TTC7A: variants seen among roughly 807,000 people sequenced by gnomAD.
TTC7A encodes the protein tetratricopeptide repeat protein 7A.
A neutral mutation model predicts 103.7 loss-of-function variants in TTC7A; 110 were observed. The observed-to-expected ratio is 1.06, with a 90% CI of 0.91 to 1.24. The LOEUF is 1.24. Among genes scored for constraint, TTC7A ranks in the 50% most tolerant of loss-of-function variants. The probability of loss-of-function intolerance (pLI) is 0.00; values close to 1 mark genes in which losing one functional copy is unlikely to be tolerated. For synonymous variants in TTC7A, 521 were observed against 467.9 expected (o/e 1.11, Z -1.47); for missense variants, 1,340 against 1,116.3 (o/e 1.20, Z -2.86).
At chr2:47,024,498 T>G in intron 14 of TTC7A, 139 bp downstream of exon 14, 1 of 709,396 alleles carries the variant, frequency 1.4e-6, no homozygotes, top group Admixed American at 3.0e-5. Flanking sequence ...ATGTAAGTCC[T>G]TTGAGCCCTC....
chr2:46,974,485 C>G (rs1014106902), intron 3 of TTC7A, among the ~76,000 whole-genome samples: 1 of 152,132 alleles, frequency 6.6e-6, no homozygotes, highest in Admixed American at 6.5e-5. Flanking sequence ...GAGGCAGTCT[C>G]CTGGTGGGAA....
rs1573016401 is a variant in TTC7A, at chr2:47,046,319, A to G, written c.1807A>G (p.Met603Val). The G allele has an allele frequency of 6.2e-7, 1 of 1,613,772 alleles. No individual in the cohort carries two copies. Reference sequence around the variant, plus strand: ...GGCCACTCTCCGTCCCCACAGCCTGATGTTCACCAAGGTGAAGCTGGAGCA... The same window carrying G: ...GGCCACTCTCCGTCCCCACAGCCTGGTGTTCACCAAGGTGAAGCTGGAGCA... The part of the protein sequence containing the change: ...ITEHPENFNL[M>V]FTKVKLEQVL... The change falls in exon 16 of 20, where the codon ATG (methionine) becomes GTG (valine). Residue 603 changes from methionine to valine, a missense_variant. Coordinates refer to ENST00000319190, the MANE Select transcript of TTC7A (RefSeq NM_020458.4).
chr2:46,939,869 A>G (rs1002345543), upstream of TTC7A, among the ~76,000 whole-genome samples: 6 of 152,194 alleles, frequency 3.9e-5, no homozygotes, highest in Admixed American at 3.3e-4. Context: ...CTGCTTGACT[A>G]AACTGTCTCT....
chr2:47,067,096 A>T (rs1255989781), intron 19 of TTC7A, among the ~76,000 whole-genome samples: 3 of 152,172 alleles, frequency 2.0e-5, no homozygotes, highest in Non-Finnish European at 4.4e-5. Flanking sequence ...CAGGAGGGCA[A>T]AGCCCGCCTG....
At chr2:46,924,824 C>T (rs1669302088) in intron 2 of TTC7A, among the ~76,000 whole-genome samples, 1 of 152,222 alleles carries the variant, frequency 6.6e-6, no homozygotes, top group Non-Finnish European at 1.5e-5. Context: ...GACAAGGTTT[C>T]ACCATGTTGG....
intron 11 of TTC7A, among the ~76,000 whole-genome samples, chr2:47,016,042 C>A (rs1454083164): frequency 6.6e-6 from 1 of 152,176 alleles, no homozygotes; most frequent in African/African-American, 2.4e-5. Context: ...GGTGAAGATT[C>A]CGAGGGCAAA....
At chr2:46,981,743 C>T (rs1397302761) in intron 5 of TTC7A, among the ~76,000 whole-genome samples, 1 of 152,230 alleles carries the variant, frequency 6.6e-6, no homozygotes, top group East Asian at 1.9e-4. Flanking sequence ...CCAAAGCACA[C>T]CGTTCTGGCC....
intron 5 of TTC7A, among the ~76,000 whole-genome samples, chr2:46,983,186 G>T (rs562492432): frequency 1.9e-3 from 283 of 152,288 alleles, no homozygotes; most frequent in Non-Finnish European, 2.0e-3. Flanking sequence ...GGATGTGGAG[G>T]CTGGGAGACC....
At position 47,007,665 on chromosome 2, in the gene TTC7A, G is replaced by A. The variant is rs1399615531; in HGVS notation, c.1287+941G>A. On this transcript the variant is annotated intron_variant, in intron 10 of 19. Coordinates refer to ENST00000319190, the MANE Select transcript of TTC7A (RefSeq NM_020458.4). This position sits in a 1 kb window ranked among gnomAD's most constrained non-coding sequence, Gnocchi z 4.9. ...CAGCCAGCTCGGGGCCTCGGCAGCC[G>A]AGGCAGGCCAGGCCCTGGCAGGGAG... 3.3e-5 allele frequency among the ~76,000 whole-genome samples: 5 copies of A among 152,170 alleles called. No homozygotes were observed. The highest frequency in any genetic ancestry group is 7.4e-5 in the Non-Finnish European group (5 of 68,026).
At chr2:47,011,822 G>A (rs1678088546) in intron 11 of TTC7A, among the ~76,000 whole-genome samples, 1 of 152,270 alleles carries the variant, frequency 6.6e-6, no homozygotes, top group South Asian at 2.1e-4. Flanking sequence ...TGCAAGGCGC[G>A]ATTCTGGGGG....
chr2:46,933,900 C>A (rs1434894260), intron 2 of TTC7A, among the ~76,000 whole-genome samples: 1 of 151,956 alleles, frequency 6.6e-6, no homozygotes, highest in Non-Finnish European at 1.5e-5. Context: ...TCTAAGGGAC[C>A]CCACATGGTA....
intron 2 of TTC7A, among the ~76,000 whole-genome samples, chr2:46,929,392 C>G (rs1040693177): frequency 6.6e-6 from 1 of 151,888 alleles, no homozygotes; most frequent in Admixed American, 6.6e-5. Flanking sequence ...GAGGCTGAGG[C>G]AGGATTGCTT....
chr2:46,947,021 G>C (rs1671003504), intron 1 of TTC7A, among the ~76,000 whole-genome samples: 1 of 152,178 alleles, frequency 6.6e-6, no homozygotes, highest in Admixed American at 6.5e-5. Context: ...CAACAAAGTA[G>C]TCTGAAAGTC....
chr2:46,941,689 G>A lies in TTC7A; in HGVS notation c.148G>A (p.Gly50Ser). 2.6e-6 allele frequency: 4 copies of A among 1,551,328 alleles called. No individual in the cohort carries two copies. In the South Asian group the frequency reaches 4.8e-5, roughly 18 times the overall value. The part of the protein sequence containing the change: ...SMPGGGGNRR[G>S]SPSAAFTFPD... ...GCCCGGCGGCGGAGGTAACAGGCGAGGCAGCCCGAGCGCAGCGTTCACCTT... is the reference window on the plus strand; with the variant it reads ...GCCCGGCGGCGGAGGTAACAGGCGAAGCAGCCCGAGCGCAGCGTTCACCTT... The change falls in exon 1 of 20, where the codon GGC becomes AGC. Residue 50 changes from glycine (G) to serine (S), a missense_variant. Gly to Ser is a moderately conservative substitution (Grantham distance 56, BLOSUM62 0). Transcript: ENST00000319190. The surrounding 1 kb of genome is among the most constrained non-coding windows in gnomAD (Gnocchi z 4.2).
At chr2:47,065,327 A>G (rs377094676) in intron 19 of TTC7A, among the ~76,000 whole-genome samples, 7 of 152,256 alleles carry the variant, frequency 4.6e-5, no homozygotes, top group African/African-American at 1.2e-4. Flanking sequence ...TGTGGCTTAC[A>G]TAGCATTTTC....
chr2:47,042,043 G>A (rs1372923680), intron 15 of TTC7A, among the ~76,000 whole-genome samples: 2 of 152,138 alleles, frequency 1.3e-5, no homozygotes, highest in Non-Finnish European at 2.9e-5. Context: ...AAGGGGATTG[G>A]GGTTCCTGCG....
At chr2:46,947,137 A>T (rs981412589) in intron 1 of TTC7A, among the ~76,000 whole-genome samples, 2 of 152,166 alleles carry the variant, frequency 1.3e-5, no homozygotes, top group African/African-American at 4.8e-5. Context: ...TTTTGAAATT[A>T]CCAGCAGCTC....
chr2:47,056,500 C>G (rs1056695969), intron 18 of TTC7A, among the ~76,000 whole-genome samples: 1 of 152,234 alleles, frequency 6.6e-6, no homozygotes, highest in Non-Finnish European at 1.5e-5. Context: ...GCGGGCAAGG[C>G]CCTCCCTGCA....
chr2:47,017,429 T>A (rs926967845), intron 11 of TTC7A, among the ~76,000 whole-genome samples: 1 of 150,100 alleles, frequency 6.7e-6, no homozygotes, highest in African/African-American at 2.5e-5. Context: ...CCCAACTACT[T>A]GGGAGGCTGA....
Sources: gnomAD v4.1 joint callset for allele counts (sites outside exome capture counted in the v4.1 genomes callset) on GRCh38, gnomAD v4.1.1 for gene constraint, Gnocchi (gnomAD v3.1) non-coding constraint, MANE v1.5 for transcripts, NCBI Gene and HGNC (gene_info 2026-07-23, HGNC 2026-07-21) for gene names.